Variants in FREM1 observed in about 807,000 individuals in gnomAD.
FREM1 encodes FRAS1-related extracellular matrix protein 1.
Under a neutral mutation model 210.1 loss-of-function variants are expected in FREM1, and 220 were observed. The observed-to-expected ratio is 1.05, with a 90% CI of 0.94 to 1.17. FREM1 has a LOEUF of 1.17. Ranked by LOEUF, FREM1 falls within the 50% of genes most tolerant of loss-of-function variation. FREM1 has a pLI of 0.00. For synonymous variants in FREM1, 1,189 were observed against 980.2 expected, an observed-to-expected ratio of 1.21 and a Z score of -3.98; for missense variants, 3,454 against 2,675.5, an observed-to-expected ratio of 1.29 and a Z score of -6.42.
chr9:14,869,086 G>C lies in FREM1; in HGVS notation c.-109C>G. On this transcript the variant is annotated 5_prime_UTR_variant, in exon 2 of 37. Coordinates refer to ENST00000380880, the MANE Select transcript of FREM1 (RefSeq NM_001379081.2). ...GCTCATAGTCCAAGGGGCAGGGTGAGGGGTCCTGACAATGTGCCCCGAGAT... is the reference window on the plus strand; with the variant it reads ...GCTCATAGTCCAAGGGGCAGGGTGACGGGTCCTGACAATGTGCCCCGAGAT... 3 of 686,772 alleles carry C rather than the reference G, an allele frequency of 4.4e-6. No individual in the cohort carries two copies. Among genetic ancestry groups the C allele is most frequent in the Non-Finnish European group, 7.1e-6 (3 of 421,150 alleles). The allele number at this position is 686,772 out of a possible 1,614,324, so 42.5% of individuals were successfully genotyped here.
chr9:14,880,512 G>A (rs919460955), intron 1 of FREM1, among the ~76,000 whole-genome samples: 2 of 151,142 alleles, frequency 1.3e-5, no homozygotes, highest in African/African-American at 4.9e-5. Flanking sequence ...ACTGAGGCAG[G>A]AGAATCACTT....
intron 1 of FREM1, among the ~76,000 whole-genome samples, chr9:14,881,429 C>T (rs1798382630): frequency 6.6e-6 from 1 of 152,100 alleles, no homozygotes; most frequent in African/African-American, 2.4e-5. Flanking sequence ...GGAGGCTTTG[C>T]CATATTTTAC....
At chr9:14,800,304 G>C (rs1297839600) in intron 20 of FREM1, among the ~76,000 whole-genome samples, 2 of 152,130 alleles carry the variant, frequency 1.3e-5, no homozygotes, top group African/African-American at 4.8e-5. Context: ...GGCAAAGGAG[G>C]GGGAAGGACC....
At chr9:14,790,777 G>A (rs1181929654) in intron 22 of FREM1, 1 of 152,304 alleles carries the variant, frequency 6.6e-6, no homozygotes, top group African/African-American at 2.4e-5. Context: ...CTAGGGAGCT[G>A]GGAGAGAACT....
At chr9:14,799,905 T>A (rs1174952812) in intron 20 of FREM1, among the ~76,000 whole-genome samples, 4 of 151,440 alleles carry the variant, frequency 2.6e-5, no homozygotes, top group African/African-American at 9.7e-5. Context: ...CATTAACTCA[T>A]CATTTCGCAC....
chr9:14,847,164 C>A (rs1370853999), intron 7 of FREM1, among the ~76,000 whole-genome samples: 1 of 152,092 alleles, frequency 6.6e-6, no homozygotes, highest in East Asian at 1.9e-4. Flanking sequence ...TTCCCAACCC[C>A]ACTTCCAACT....
chr9:14,758,774 C>T (rs556970915), intron 28 of FREM1, among the ~76,000 whole-genome samples: 2 of 152,112 alleles, frequency 1.3e-5, no homozygotes, highest in South Asian at 2.1e-4. Flanking sequence ...CTTGTTATAA[C>T]GACTCCTAAA....
intron 5 of FREM1, 41 bp from the exon 6 acceptor site, chr9:14,851,648 G>T: frequency 7.1e-7 from 1 of 1,414,758 alleles, no homozygotes; most frequent in Non-Finnish European, 1.0e-6. Context: ...GAAATAATAT[G>T]AATGAGGTGA....
At chr9:14,756,588 A>C in intron 28 of FREM1, 142 bp from the exon 29 acceptor site, 1 of 568,056 alleles carries the variant, frequency 1.8e-6, no homozygotes, top group Non-Finnish European at 2.9e-6. Flanking sequence ...AAAATTATAT[A>C]AGCCATTTGG....
At chr9:14,872,608 C>A (rs919225005) in intron 1 of FREM1, among the ~76,000 whole-genome samples, 1 of 151,962 alleles carries the variant, frequency 6.6e-6, no homozygotes, top group Non-Finnish European at 1.5e-5. Flanking sequence ...ATCATGTCAT[C>A]TGCAAACAGG....
At chr9:14,858,535 C>T (rs1002002514) in intron 4 of FREM1, among the ~76,000 whole-genome samples, 26 of 144,728 alleles carry the variant, frequency 1.8e-4, no homozygotes, top group African/African-American at 6.4e-4. Context: ...AGTCTCATTT[C>T]TCAGACGTAC....
chr9:14,851,564 G>A lies in FREM1; in HGVS notation c.872C>T (p.Pro291Leu), dbSNP rs746596765. 16 of 1,613,748 alleles carry A rather than the reference G, an allele frequency of 9.9e-6. No homozygotes were observed. The highest frequency in any genetic ancestry group is 1.7e-5 in the Admixed American group (1 of 60,008). ...GAATGCAGCCTTTGGAATCTGATTCGGAATTCCAGCTCTGATATAGACAGG... is the reference window on the plus strand; with the variant it reads ...GAATGCAGCCTTTGGAATCTGATTCAGAATTCCAGCTCTGATATAGACAGG... ...WLPVYIRAGIPNQIPKAAFMA... is the reference protein window; with the variant it reads ...WLPVYIRAGILNQIPKAAFMA... Residue 291 changes from proline (P) to leucine (L), a missense_variant, in exon 6 of 37, where the codon CCG (proline) becomes CTG (leucine). Pro to Leu is a moderately conservative substitution (Grantham distance 98). Transcript: ENST00000380880.
intron 7 of FREM1, among the ~76,000 whole-genome samples, chr9:14,846,465 C>T (rs1229785617): frequency 2.0e-5 from 3 of 152,108 alleles, no homozygotes; most frequent in Non-Finnish European, 4.4e-5. Flanking sequence ...CACCATGGCA[C>T]ATGTATACCT....
At chr9:14,759,268 C>CA (rs1330426434) in intron 28 of FREM1, among the ~76,000 whole-genome samples, 2 of 152,036 alleles carry the variant, frequency 1.3e-5, no homozygotes, top group African/African-American at 4.8e-5. Context: ...CCAGCACTTT[C>CA]GAAGGCCAAG....
intron 1 of FREM1, among the ~76,000 whole-genome samples, chr9:14,883,058 G>C (rs986350698): frequency 6.6e-6 from 1 of 151,894 alleles, no homozygotes; most frequent in East Asian, 1.9e-4. Flanking sequence ...AGACAAGAAA[G>C]TAAAGCTTTC....
chr9:14,905,717 T>C (rs1817571099), intron 1 of FREM1, among the ~76,000 whole-genome samples: 1 of 152,058 alleles, frequency 6.6e-6, no homozygotes, highest in Admixed American at 6.5e-5. Context: ...GGCAAAACCC[T>C]GTCTCTACTA....
chr9:14,746,934 G>A lies in FREM1; in HGVS notation c.6127C>T (p.Pro2043Ser), dbSNP rs201717559. The A allele has an allele frequency of 5.6e-6, 9 of 1,612,950 alleles. No individual in the cohort carries two copies. The highest frequency in any genetic ancestry group is 2.2e-5 in the East Asian group (1 of 44,854). The change falls in exon 34 of 37, where the codon CCC becomes TCC. Residue 2043 changes from proline (P) to serine (S), a missense_variant. By Grantham distance (74) the Pro-to-Ser change is moderately conservative (BLOSUM62 -1). Transcript: ENST00000380880. ...AGCCTGCCTCCTACCTTGGTTTGGG[G>A]ACTCCAGGCTTTCCAGGCGATCCCA... is the stretch of plus-strand genomic sequence containing the variant. ...CNGIAWKAWS[P>S]QTKDVEDKSC...
intron 5 of FREM1, 57 bp from the exon 6 acceptor site, chr9:14,851,664 T>G: frequency 1.2e-4 from 140 of 1,196,702 alleles, no homozygotes; most frequent in Non-Finnish European, 1.6e-4. Context: ...GGTGATATCA[T>G]ACAGGGCTAA....
intron 16 of FREM1, among the ~76,000 whole-genome samples, chr9:14,811,743 T>C (rs1819446521): frequency 6.6e-6 from 1 of 152,166 alleles, no homozygotes; most frequent in South Asian, 2.1e-4. Context: ...ATTTCTGAAT[T>C]AATCCTTTGC....
Sources: allele counts gnomAD v4.1 joint callset (sites outside exome capture counted in the v4.1 genomes callset), GRCh38; gene constraint gnomAD v4.1.1; transcripts MANE v1.5; gene names NCBI Gene and HGNC (gene_info 2026-07-23, HGNC 2026-07-21).